The following SUPT3H variants were observed in gnomAD, a reference collection of about 807,000 sequenced individuals.
The protein encoded by SUPT3H is transcription initiation protein SPT3 homolog.
In SUPT3H, 44 loss-of-function variants were observed where a neutral mutation model predicts 44.3. That is an observed-to-expected ratio of 0.99 (90% confidence interval 0.78 to 1.28). The LOEUF (loss-of-function observed/expected upper bound fraction) is 1.28, where lower values mean the gene tolerates loss of function less well. Among genes scored for constraint, SUPT3H ranks in the 50% most tolerant of loss-of-function variants. SUPT3H has a pLI of 0.00. For synonymous variants in SUPT3H, 124 were observed against 125.6 expected, an observed-to-expected ratio of 0.99 and a Z score of 0.09; for missense variants, 380 against 387.1, an observed-to-expected ratio of 0.98 and a Z score of 0.15.
intron 10 of SUPT3H, among the ~76,000 whole-genome samples, chr6:44,831,257 A>G (rs1768671425): frequency 6.6e-6 from 1 of 152,160 alleles, no homozygotes; most frequent in Non-Finnish European, 1.5e-5. Context: ...GCACATTCCA[A>G]GTGTCATTCC....
intron 3 of SUPT3H, among the ~76,000 whole-genome samples, chr6:45,087,763 T>C (rs1171278645): frequency 6.6e-6 from 1 of 151,920 alleles, no homozygotes; most frequent in Non-Finnish European, 1.5e-5. Context: ...TTTCTCTGTT[T>C]CACCTCCCTC....
At chr6:45,302,834 A>G (rs935361262) in intron 2 of SUPT3H, among the ~76,000 whole-genome samples, 4 of 152,086 alleles carry the variant, frequency 2.6e-5, no homozygotes, top group African/African-American at 4.8e-5. Context: ...TTTTCACCAC[A>G]TCCATGGCAC....
chr6:44,966,334 A>G (rs1776766575), intron 6 of SUPT3H, among the ~76,000 whole-genome samples: 1 of 151,808 alleles, frequency 6.6e-6, no homozygotes, highest in African/African-American at 2.4e-5. Context: ...TAAAATGAAC[A>G]TAATTTTTTT....
chr6:44,905,676 A>G (rs1163852749), intron 10 of SUPT3H, among the ~76,000 whole-genome samples: 1 of 152,150 alleles, frequency 6.6e-6, no homozygotes, highest in East Asian at 1.9e-4. Flanking sequence ...CTGGGTATAT[A>G]CCCAAAGGAT....
chr6:45,031,897 G>A (rs1326347288), intron 3 of SUPT3H, among the ~76,000 whole-genome samples: 3 of 152,160 alleles, frequency 2.0e-5, no homozygotes, highest in Non-Finnish European at 2.9e-5. Context: ...TTATTTAGCA[G>A]TAATGACTTA....
At chr6:45,364,175 TAAAC>T (rs1279789412) in intron 2 of SUPT3H, among the ~76,000 whole-genome samples, 8 of 152,062 alleles carry the variant, frequency 5.3e-5, no homozygotes, top group African/African-American at 9.6e-5. Context: ...ATAACCCTCA[TAAAC>T]AAATATTCTT....
intron 2 of SUPT3H, among the ~76,000 whole-genome samples, chr6:45,145,429 A>G (rs571334458): frequency 3.3e-5 from 5 of 152,112 alleles, no homozygotes; most frequent in Non-Finnish European, 5.9e-5. Flanking sequence ...AGGACACCCT[A>G]TTCAACAAAT....
chr6:45,314,094 C>A (rs550070199), intron 2 of SUPT3H, among the ~76,000 whole-genome samples: 2 of 152,066 alleles, frequency 1.3e-5, no homozygotes, highest in African/African-American at 2.4e-5. Context: ...ATCCAGCATC[C>A]CTTTATGATC....
chr6:45,018,060 A>C (rs907621728), intron 4 of SUPT3H, among the ~76,000 whole-genome samples: 1 of 151,996 alleles, frequency 6.6e-6, no homozygotes, highest in Non-Finnish European at 1.5e-5. Context: ...GAGGTCCTTC[A>C]TGTCCCTTGT....
intron 2 of SUPT3H, among the ~76,000 whole-genome samples, chr6:45,277,826 A>C (rs949470853): frequency 2.0e-5 from 3 of 152,210 alleles, no homozygotes; most frequent in Admixed American, 2.0e-4. Context: ...TAGCTTACAA[A>C]ATCACAGCTG....
chr6:44,820,196 G>A (rs1767199466), intron 11 of SUPT3H, among the ~76,000 whole-genome samples: 1 of 152,128 alleles, frequency 6.6e-6, no homozygotes, highest in Non-Finnish European at 1.5e-5. Flanking sequence ...TCCAGCCTAG[G>A]TAACAGAGTG....
intron 2 of SUPT3H, 107 bp downstream of exon 2, chr6:45,365,082 TACTTGATTAATA>T (rs1452051661): frequency 2.9e-6 from 2 of 684,642 alleles, no homozygotes; most frequent in Non-Finnish European, 4.4e-6. Context: ...ATTTCATTTT[TACTTGATTAATA>T]ACAAATTATT....
At chr6:45,255,437 T>C (rs974098093) in intron 2 of SUPT3H, among the ~76,000 whole-genome samples, 14 of 150,146 alleles carry the variant, frequency 9.3e-5, no homozygotes, top group African/African-American at 2.4e-4. Flanking sequence ...TTTTTTTTTT[T>C]CAGTCAGGTT....
intron 2 of SUPT3H, among the ~76,000 whole-genome samples, chr6:45,233,689 T>C (rs1374510678): frequency 6.6e-6 from 1 of 152,216 alleles, no homozygotes; most frequent in Non-Finnish European, 1.5e-5. Context: ...TGTTCTCTCC[T>C]ATATATTCTA....
At chr6:45,270,217 T>C (rs1775898906) in intron 2 of SUPT3H, among the ~76,000 whole-genome samples, 1 of 152,166 alleles carries the variant, frequency 6.6e-6, no homozygotes, top group Admixed American at 6.5e-5. Flanking sequence ...CAGCCACTTA[T>C]TACTCTATCC....
intron 2 of SUPT3H, among the ~76,000 whole-genome samples, chr6:45,292,673 C>A (rs1386508739): frequency 6.7e-6 from 1 of 149,972 alleles, no homozygotes; most frequent in Non-Finnish European, 1.5e-5. Context: ...CAAAAGCAAG[C>A]AGGAGTAGCT....
intron 1 of SUPT3H, among the ~76,000 whole-genome samples, chr6:45,367,246 C>T (rs1186486768): frequency 1.3e-5 from 2 of 152,094 alleles, no homozygotes; most frequent in Non-Finnish European, 2.9e-5. Context: ...ACCAAGAAGG[C>T]AAGAGCACAA....
intron 2 of SUPT3H, among the ~76,000 whole-genome samples, chr6:45,226,550 T>A (rs892607846): frequency 1.3e-5 from 2 of 151,716 alleles, no homozygotes; most frequent in Non-Finnish European, 2.9e-5. Context: ...CAAAAAAAAA[T>A]TTTTTCTTCT....
intron 2 of SUPT3H, among the ~76,000 whole-genome samples, chr6:45,239,729 T>C (rs755798829): frequency 4.6e-5 from 7 of 152,244 alleles, no homozygotes; most frequent in Non-Finnish European, 8.8e-5. Context: ...CCCCAGGCTA[T>C]ACTAGCAAAG....
Sources: gnomAD v4.1 joint callset for allele counts (sites outside exome capture counted in the v4.1 genomes callset) on GRCh38, gnomAD v4.1.1 for gene constraint, MANE v1.5 for transcripts, NCBI Gene and HGNC (gene_info 2026-07-23, HGNC 2026-07-21) for gene names.